The following OR9Q1 variants were observed in gnomAD, a reference collection of about 807,000 sequenced individuals.
The protein encoded by OR9Q1 is olfactory receptor 9Q1.
For synonymous variants in OR9Q1, 153 were observed against 148.6 expected, an observed-to-expected ratio of 1.03 and a Z score of -0.22; for missense variants, 374 against 378.8, an observed-to-expected ratio of 0.99 and a Z score of 0.11.
At chr11:58,036,865 A>G (rs557433445) in intron 1 of OR9Q1, among the ~76,000 whole-genome samples, 1 of 152,350 alleles carries the variant, frequency 6.6e-6, no homozygotes, top group African/African-American at 2.4e-5. Flanking sequence ...ACTCCTGGTG[A>G]AGATGCTGTG....
chr11:58,155,207 G>A (rs1325143097), intron 2 of OR9Q1, among the ~76,000 whole-genome samples: 2 of 151,976 alleles, frequency 1.3e-5, no homozygotes, highest in African/African-American at 2.4e-5. Context: ...ATTATTTTTT[G>A]TGAGACCTTT....
At chr11:58,035,199 A>G (rs1278140307) in intron 1 of OR9Q1, among the ~76,000 whole-genome samples, 1 of 152,062 alleles carries the variant, frequency 6.6e-6, no homozygotes, top group Non-Finnish European at 1.5e-5. Flanking sequence ...TCTAATTGCA[A>G]GGGTAGTAAA....
intron 2 of OR9Q1, among the ~76,000 whole-genome samples, chr11:58,096,126 TTCTC>T (rs143994215): frequency 6.6e-6 from 1 of 150,810 alleles, no homozygotes; most frequent in Non-Finnish European, 1.5e-5. Flanking sequence ...CTCCCTCATT[TTCTC>T]TCTCTCTCTC....
chr11:58,148,895 T>C (rs1854324266), intron 2 of OR9Q1, among the ~76,000 whole-genome samples: 1 of 152,190 alleles, frequency 6.6e-6, no homozygotes, highest in Admixed American at 6.5e-5. Context: ...AGATGCTTCA[T>C]GGACATTATA....
intron 2 of OR9Q1, among the ~76,000 whole-genome samples, chr11:58,106,879 C>T (rs1301802405): frequency 6.6e-6 from 1 of 152,066 alleles, no homozygotes; most frequent in Admixed American, 6.6e-5. Context: ...CAGTACAATA[C>T]TGTTTGAATT....
At chr11:58,143,484 G>T (rs1854270065) in intron 2 of OR9Q1, among the ~76,000 whole-genome samples, 1 of 152,224 alleles carries the variant, frequency 6.6e-6, no homozygotes, top group African/African-American at 2.4e-5. Flanking sequence ...CTAAGGAAAT[G>T]ATGTCTAACC....
intron 1 of OR9Q1, among the ~76,000 whole-genome samples, chr11:58,027,689 TA>T (rs945773243): frequency 1.3e-5 from 2 of 152,066 alleles, no homozygotes; most frequent in Non-Finnish European, 2.9e-5. Flanking sequence ...TCCTGCTTCT[TA>T]AAAAAATCTC....
At chr11:58,037,334 G>A (rs1412312551) in intron 1 of OR9Q1, among the ~76,000 whole-genome samples, 1 of 152,028 alleles carries the variant, frequency 6.6e-6, no homozygotes, top group Non-Finnish European at 1.5e-5. Context: ...CTAAAAATTT[G>A]TGTGAGAGCT....
At chr11:58,079,381 G>A (rs894061922) in intron 2 of OR9Q1, among the ~76,000 whole-genome samples, 1 of 152,038 alleles carries the variant, frequency 6.6e-6, no homozygotes, top group Non-Finnish European at 1.5e-5. Flanking sequence ...TGAATGAAAA[G>A]CATTCTAAAA....
At chr11:58,111,527 T>C (rs1024604834) in intron 2 of OR9Q1, among the ~76,000 whole-genome samples, 4 of 152,160 alleles carry the variant, frequency 2.6e-5, no homozygotes, top group Non-Finnish European at 4.4e-5. Flanking sequence ...TATTTCAGGG[T>C]TTCTTAATTC....
intron 1 of OR9Q1, among the ~76,000 whole-genome samples, chr11:58,038,081 T>C (rs929385921): frequency 6.6e-6 from 1 of 151,846 alleles, no homozygotes; most frequent in African/African-American, 2.4e-5. Flanking sequence ...AAAAGTCTGA[T>C]GCATACCCAT....
At chr11:58,034,771 T>TTCCTTCCTTCCTTCC (rs1565055149) in intron 1 of OR9Q1, among the ~76,000 whole-genome samples, 1 of 94,470 alleles carries the variant, frequency 1.1e-5, no homozygotes, top group Admixed American at 1.1e-4. Context: ...TCCTTCCTTC[T>TTCCTTCCTTCCTTCC]TCCTTCCCTC....
At chr11:58,145,690 A>C (rs1415616063) in intron 2 of OR9Q1, among the ~76,000 whole-genome samples, 10 of 152,232 alleles carry the variant, frequency 6.6e-5, no homozygotes, top group Non-Finnish European at 1.3e-4. Flanking sequence ...AGGGAATCCC[A>C]AAAGGCTTTG....
intron 2 of OR9Q1, among the ~76,000 whole-genome samples, chr11:58,084,060 T>G (rs919179106): frequency 6.6e-6 from 1 of 152,000 alleles, no homozygotes; most frequent in Non-Finnish European, 1.5e-5. Flanking sequence ...GTATGGCCAC[T>G]TTAATGATAT....
At chr11:58,112,254 C>T (rs1853908878) in intron 2 of OR9Q1, among the ~76,000 whole-genome samples, 1 of 151,494 alleles carries the variant, frequency 6.6e-6, no homozygotes, top group South Asian at 2.1e-4. Flanking sequence ...GGCCACACCA[C>T]TGCCCTCTAG....
At chr11:58,125,251 A>AT (rs1221727554) in intron 2 of OR9Q1, 1 of 68,702 alleles carries the variant, frequency 1.5e-5, no homozygotes, top group Non-Finnish European at 3.2e-5. Flanking sequence ...CCCCCCCCCA[A>AT]AAAAAAGCTG....
chr11:58,063,590 C>T (rs1853400560), intron 2 of OR9Q1, among the ~76,000 whole-genome samples: 1 of 152,124 alleles, frequency 6.6e-6, no homozygotes, highest in South Asian at 2.1e-4. Flanking sequence ...GTGTGACTGA[C>T]TGACGATAGG....
chr11:58,078,305 T>G (rs1421647986), intron 2 of OR9Q1: 2 of 152,144 alleles, frequency 1.3e-5, no homozygotes, highest in African/African-American at 4.8e-5. Context: ...CCTACACAAA[T>G]GAAGAAAAAG....
chr11:58,149,446 C>T (rs1854329194), intron 2 of OR9Q1, among the ~76,000 whole-genome samples: 3 of 152,070 alleles, frequency 2.0e-5, no homozygotes, highest in Admixed American at 1.3e-4. Context: ...CAATAAAATA[C>T]ACATAACATG....
Sources: allele counts gnomAD v4.1 joint callset (sites outside exome capture counted in the v4.1 genomes callset), GRCh38; gene constraint gnomAD v4.1.1; transcripts MANE v1.5; gene names NCBI Gene and HGNC (gene_info 2026-07-23, HGNC 2026-07-21).